The following NECTIN3 variants were observed in gnomAD, a reference collection of about 807,000 sequenced individuals.
NECTIN3 encodes the protein nectin-3.
In NECTIN3, 8 loss-of-function variants were observed where a neutral mutation model predicts 49.4. The ratio of observed to expected loss-of-function variants is 0.16; its 90% CI spans 0.10 to 0.29. NECTIN3 has a LOEUF of 0.29. Ranked by LOEUF, NECTIN3 falls within the 10% of genes least tolerant of loss-of-function variation. The pLI, the probability that NECTIN3 is intolerant of heterozygous loss-of-function variation, is 1.00. For missense variants in NECTIN3, 581 were observed against 654.6 expected (o/e 0.89, Z 1.23); for synonymous variants, 277 against 241.1 (o/e 1.15, Z -1.38).
At chr3:111,173,287 C>G (rs902839201) in intron 7 of NECTIN3, among the ~76,000 whole-genome samples, 3 of 152,176 alleles carry the variant, frequency 2.0e-5, no homozygotes, top group African/African-American at 4.8e-5. Context: ...TTAGCCCCTC[C>G]CATTTTCTTA....
At chr3:111,189,860 A>G (rs2035783406), upstream of NECTIN3, among the ~76,000 whole-genome samples, 1 of 152,204 alleles carries the variant, frequency 6.6e-6, no homozygotes, top group Admixed American at 6.5e-5. Flanking sequence ...CATATGCACC[A>G]TGACTGTGGG....
intron 5 of NECTIN3, 28 bp downstream of exon 5, chr3:111,126,363 G>C: frequency 3.8e-6 from 6 of 1,563,150 alleles, no homozygotes; most frequent in Non-Finnish European, 5.2e-6. Context: ...TGCAAAATGA[G>C]TTATTTAAAA....
Position 111,118,852 on chromosome 3 carries a change from A to G in NECTIN3, c.699A>G (p.Leu233=), listed in dbSNP as rs1576125778. The G allele has an allele frequency of 1.2e-6, 2 of 1,614,160 alleles. No individual in the cohort carries two copies. Among genetic ancestry groups the G allele is most frequent in the East Asian group, 2.2e-5 (1 of 44,866 alleles). Residue 233 remains leucine, a synonymous_variant, in exon 3 of 6, where the codon CTA becomes CTG. Coordinates refer to ENST00000485303, the MANE Select transcript of NECTIN3 (RefSeq NM_015480.3). Reference sequence around the variant, plus strand: ...CAACGATTATCAGCCAGTACAAGCTATTTCCAACCAGATTTGCTAGAGGAA... The same window carrying G: ...CAACGATTATCAGCCAGTACAAGCTGTTTCCAACCAGATTTGCTAGAGGAA... ...ETATIISQYK[L]FPTRFARGRR... is the part of the protein sequence containing the mutation.
At chr3:111,093,183 T>C (rs997572576) in intron 1 of NECTIN3, among the ~76,000 whole-genome samples, 4 of 152,200 alleles carry the variant, frequency 2.6e-5, no homozygotes, top group Non-Finnish European at 5.9e-5. Flanking sequence ...TCTAACAGCC[T>C]CTTCCTCCTG....
intron 1 of NECTIN3, among the ~76,000 whole-genome samples, chr3:111,082,831 GTT>G (rs2031700278): frequency 6.6e-6 from 1 of 152,186 alleles, no homozygotes; most frequent in Non-Finnish European, 1.5e-5. Flanking sequence ...CCCAGAGCTT[GTT>G]TTCCTGCAAC....
At chr3:111,132,547 C>CT (rs948399043) in intron 5 of NECTIN3, among the ~76,000 whole-genome samples, 1 of 151,708 alleles carries the variant, frequency 6.6e-6, no homozygotes, top group Non-Finnish European at 1.5e-5. Context: ...TAAACTTACC[C>CT]TTTCTTCAAA....
intron 5 of NECTIN3, among the ~76,000 whole-genome samples, chr3:111,130,392 A>G (rs1416604077): frequency 6.6e-6 from 1 of 152,036 alleles, no homozygotes; most frequent in Non-Finnish European, 1.5e-5. Context: ...CCTAGGTATA[A>G]TGCTGCCTTT....
intron 7 of NECTIN3, among the ~76,000 whole-genome samples, chr3:111,170,223 G>C (rs2035406933): frequency 6.6e-6 from 1 of 152,204 alleles, no homozygotes; most frequent in African/African-American, 2.4e-5. Context: ...CAGTAAGTGA[G>C]GGTAGGATGG....
chr3:111,092,201 G>A (rs529762333), intron 1 of NECTIN3, among the ~76,000 whole-genome samples: 2 of 152,266 alleles, frequency 1.3e-5, no homozygotes, highest in East Asian at 3.9e-4. Context: ...CTAGAGACAA[G>A]TATTTTAGGT....
chr3:111,077,599 C>A (rs972745522), intron 1 of NECTIN3, among the ~76,000 whole-genome samples: 23 of 152,026 alleles, frequency 1.5e-4, no homozygotes, highest in Admixed American at 8.5e-4. Flanking sequence ...ACTAGATCAA[C>A]AATTTTTGTA....
At chr3:111,183,708 T>C (rs2035669246) in intron 7 of NECTIN3, among the ~76,000 whole-genome samples, 2 of 152,178 alleles carry the variant, frequency 1.3e-5, no homozygotes, top group South Asian at 2.1e-4. Context: ...ACTCCTTTTT[T>C]TTCTAGTGAG....
In NECTIN3 at chr3:111,134,790, A is replaced by T. The variant is rs1218106812; in HGVS notation, c.*575A>T. The T allele has an allele frequency of 1.0e-6, 1 of 979,060 alleles. No individual in the cohort carries two copies. The highest frequency in any genetic ancestry group is 1.2e-6 in the Non-Finnish European group (1 of 824,344). The allele number at this position is 979,060 out of a possible 1,614,324, so 60.6% of individuals were successfully genotyped here. ...ATACAAATGAAATCTTTACCTCTGCATATTAATGAGCCTTGCCATAATTAC... is the reference window on the plus strand; with the variant it reads ...ATACAAATGAAATCTTTACCTCTGCTTATTAATGAGCCTTGCCATAATTAC... On this transcript the variant is annotated 3_prime_UTR_variant, in exon 6 of 6. Transcript: ENST00000485303.
chr3:111,191,184 T>A (rs2035806460), upstream of NECTIN3, among the ~76,000 whole-genome samples: 1 of 152,170 alleles, frequency 6.6e-6, no homozygotes. Flanking sequence ...AATTTGGAAT[T>A]AGACAAAGCC....
At chr3:111,090,851 AT>A (rs2107391054) in intron 1 of NECTIN3, among the ~76,000 whole-genome samples, 1 of 146,602 alleles carries the variant, frequency 6.8e-6, no homozygotes, top group East Asian at 2.2e-4. Context: ...GGTTTTTGTC[AT>A]TAAAACCACA....
chr3:111,129,756 C>G lies in NECTIN3; in HGVS notation c.1069+3421C>G, dbSNP rs145840412. On this transcript the variant is annotated intron_variant, in intron 5 of 5. Coordinates refer to ENST00000485303, the MANE Select transcript of NECTIN3 (RefSeq NM_015480.3). Reference sequence around the variant, plus strand: ...CTCTGCCTCCCGGATTCAAGCAGTTCTCCTGCCTCAGCCTCCCAAGTAGCT... The same window carrying G: ...CTCTGCCTCCCGGATTCAAGCAGTTGTCCTGCCTCAGCCTCCCAAGTAGCT... Among the ~76,000 whole-genome samples, 523 of 151,196 alleles carry G rather than the reference C, an allele frequency of 3.5e-3. 5 individuals carry two copies. The highest frequency in any genetic ancestry group is 0.014 in the Middle Eastern group (4 of 294).
intron 1 of NECTIN3, among the ~76,000 whole-genome samples, chr3:111,092,922 C>T (rs1231169587): frequency 6.6e-6 from 1 of 152,166 alleles, no homozygotes; most frequent in Non-Finnish European, 1.5e-5. Flanking sequence ...ACAGTATTAA[C>T]TGTTGATACA....
chr3:111,127,910 T>C (rs1318431753), intron 5 of NECTIN3, among the ~76,000 whole-genome samples: 1 of 152,144 alleles, frequency 6.6e-6, no homozygotes, highest in Non-Finnish European at 1.5e-5. Context: ...TACTCTCTCT[T>C]TAGTTAGAGA....
chr3:111,119,118 A>T (rs1368069883), intron 3 of NECTIN3, among the ~76,000 whole-genome samples, 166 bp downstream of exon 3: 1 of 152,180 alleles, frequency 6.6e-6, no homozygotes, highest in East Asian at 1.9e-4. Context: ...ACTTTTGTAA[A>T]GATGGACAGA....
At chr3:111,131,990 C>T (rs1200051127) in intron 5 of NECTIN3, among the ~76,000 whole-genome samples, 1 of 151,724 alleles carries the variant, frequency 6.6e-6, no homozygotes, top group Non-Finnish European at 1.5e-5. Flanking sequence ...TTGACTTTCC[C>T]AGTACTTCTG....
Sources: allele counts gnomAD v4.1 joint callset (sites outside exome capture counted in the v4.1 genomes callset), GRCh38; gene constraint gnomAD v4.1.1; transcripts MANE v1.5; gene names NCBI Gene and HGNC (gene_info 2026-07-23, HGNC 2026-07-21).